SCAPER: variants seen among roughly 807,000 people sequenced by gnomAD.
SCAPER encodes the protein S phase cyclin A-associated protein in the endoplasmic reticulum.
In SCAPER, 98 loss-of-function variants were observed where a neutral mutation model predicts 182.2. The ratio of observed to expected loss-of-function variants is 0.54; its 90% CI spans 0.46 to 0.64. SCAPER has a LOEUF of 0.64. SCAPER is among the 30% of genes least tolerant of loss of function. The probability of loss-of-function intolerance (pLI) is 0.00; values close to 1 mark genes in which losing one functional copy is unlikely to be tolerated. For synonymous variants in SCAPER, 605 were observed against 564.6 expected, an observed-to-expected ratio of 1.07 and a Z score of -1.01; for missense variants, 1,432 against 1,690.0, an observed-to-expected ratio of 0.85 and a Z score of 2.68.
chr15:76,766,223 A>G (rs1469797165), intron 11 of SCAPER, among the ~76,000 whole-genome samples: 1 of 152,014 alleles, frequency 6.6e-6, no homozygotes, highest in African/African-American at 2.4e-5. Flanking sequence ...CAGCCTCCCA[A>G]GTAGCTGGGA....
At chr15:76,731,988 A>C (rs1202733026) in intron 16 of SCAPER, among the ~76,000 whole-genome samples, 1 of 152,230 alleles carries the variant, frequency 6.6e-6, no homozygotes, top group Non-Finnish European at 1.5e-5. Context: ...ATACACTACT[A>C]CTCATGTACT....
At chr15:76,373,058 T>G (rs2042299117) in intron 29 of SCAPER, among the ~76,000 whole-genome samples, 1 of 151,458 alleles carries the variant, frequency 6.6e-6, no homozygotes, top group South Asian at 2.1e-4. Context: ...CTTTCTTTTT[T>G]TTTTTTTGAG....
At chr15:76,790,117 G>A (rs933582219) in intron 8 of SCAPER, among the ~76,000 whole-genome samples, 3 of 151,922 alleles carry the variant, frequency 2.0e-5, no homozygotes, top group Non-Finnish European at 4.4e-5. Flanking sequence ...TGTAATCCCA[G>A]CTACTGAGGA....
chr15:76,625,930 G>A (rs1037782022), intron 21 of SCAPER, among the ~76,000 whole-genome samples: 1 of 152,156 alleles, frequency 6.6e-6, no homozygotes, highest in East Asian at 1.9e-4. Flanking sequence ...TGGCCACAAC[G>A]GAAGAAGAAG....
chr15:76,670,306 T>G (rs759031623), intron 20 of SCAPER, among the ~76,000 whole-genome samples: 1 of 152,116 alleles, frequency 6.6e-6, no homozygotes, highest in African/African-American at 2.4e-5. Context: ...TTATGAAATT[T>G]TTAAATTTGC....
intron 27 of SCAPER, among the ~76,000 whole-genome samples, chr15:76,397,277 A>G (rs1256915821): frequency 6.6e-6 from 1 of 151,826 alleles, no homozygotes; most frequent in Non-Finnish European, 1.5e-5. Flanking sequence ...ACTGGTCTTT[A>G]GTTTTCTTTT....
At chr15:76,464,386 C>T (rs147351114) in intron 25 of SCAPER, among the ~76,000 whole-genome samples, 15 of 151,774 alleles carry the variant, frequency 9.9e-5, no homozygotes, top group African/African-American at 3.6e-4. Flanking sequence ...TACAGTTGTC[C>T]CTCAGTATAC....
At chr15:76,899,173 C>T (rs569792570) in intron 1 of SCAPER, among the ~76,000 whole-genome samples, 2 of 149,538 alleles carry the variant, frequency 1.3e-5, no homozygotes, top group South Asian at 2.1e-4. Flanking sequence ...TCTCGCTCTC[C>T]GTCTCCCTCT....
chr15:76,681,976 G>A (rs550818585), intron 20 of SCAPER, among the ~76,000 whole-genome samples: 1 of 152,314 alleles, frequency 6.6e-6, no homozygotes, highest in East Asian at 1.9e-4. Context: ...GACACAGGCA[G>A]TCCCATCTGG....
chr15:76,381,347 G>A (rs774350597), intron 28 of SCAPER, 31 bp downstream of exon 28: 3 of 1,568,420 alleles, frequency 1.9e-6, no homozygotes, highest in Non-Finnish European at 2.6e-6. Context: ...CTCTTGATTG[G>A]TTAACATCGA....
At chr15:76,728,923 C>A (rs2060746835) in intron 16 of SCAPER, among the ~76,000 whole-genome samples, 186 bp from the exon 17 acceptor site, 1 of 152,122 alleles carries the variant, frequency 6.6e-6, no homozygotes, top group South Asian at 2.1e-4. Context: ...TTCTGAAAGT[C>A]ATTTACCAGT....
chr15:76,814,582 C>T (rs1598882924), intron 5 of SCAPER, among the ~76,000 whole-genome samples: 1 of 152,094 alleles, frequency 6.6e-6, no homozygotes, highest in East Asian at 1.9e-4. Flanking sequence ...GAACTAGACC[C>T]TTATCTTACA....
At chr15:76,806,576 G>C (rs1446490489) in intron 5 of SCAPER, among the ~76,000 whole-genome samples, 1 of 152,128 alleles carries the variant, frequency 6.6e-6, no homozygotes, top group East Asian at 1.9e-4. Flanking sequence ...TGCCAAAAAG[G>C]GGGAAGGGAG....
chr15:76,785,977 T>A (rs2151421325), intron 8 of SCAPER, among the ~76,000 whole-genome samples: 2 of 152,182 alleles, frequency 1.3e-5, no homozygotes, highest in Middle Eastern at 3.4e-3. Flanking sequence ...TATACCTGTG[T>A]AACAAACCTG....
At chr15:76,897,425 A>G (rs2074498680) in intron 1 of SCAPER, among the ~76,000 whole-genome samples, 1 of 152,078 alleles carries the variant, frequency 6.6e-6, no homozygotes, top group South Asian at 2.1e-4. Flanking sequence ...TTCAACATTG[A>G]CCAGGCACAG....
chr15:76,575,747 T>C (rs1411934584), intron 22 of SCAPER, among the ~76,000 whole-genome samples: 1 of 152,246 alleles, frequency 6.6e-6, no homozygotes, highest in African/African-American at 2.4e-5. Context: ...ATTTGACTAT[T>C]TCTTCAAAGC....
At chr15:76,691,621 C>T (rs1249792349) in intron 20 of SCAPER, among the ~76,000 whole-genome samples, 1 of 152,048 alleles carries the variant, frequency 6.6e-6, no homozygotes, top group Non-Finnish European at 1.5e-5. Flanking sequence ...AATTGTCAAG[C>T]TATAATTCTA....
intron 21 of SCAPER, among the ~76,000 whole-genome samples, chr15:76,623,110 C>T (rs1331462516): frequency 6.6e-6 from 1 of 152,088 alleles, no homozygotes; most frequent in Non-Finnish European, 1.5e-5. Context: ...TTGGTTTTTG[C>T]TTATTCAATT....
intron 22 of SCAPER, among the ~76,000 whole-genome samples, chr15:76,614,965 A>G (rs1166511156): frequency 6.6e-6 from 1 of 152,248 alleles, no homozygotes; most frequent in African/African-American, 2.4e-5. Flanking sequence ...CATAAGAAGG[A>G]TTCAAAGAGA....
Sources: gnomAD v4.1 joint callset for allele counts (sites outside exome capture counted in the v4.1 genomes callset) on GRCh38, gnomAD v4.1.1 for gene constraint, MANE v1.5 for transcripts, NCBI Gene and HGNC (gene_info 2026-07-23, HGNC 2026-07-21) for gene names.